PCDHA1: variants seen among roughly 807,000 people sequenced by gnomAD.
The protein encoded by PCDHA1 is protocadherin alpha-1.
In PCDHA1, 42 loss-of-function variants were observed where a neutral mutation model predicts 61.3. The observed-to-expected ratio is 0.69, with a 90% CI of 0.54 to 0.89. The LOEUF is 0.89. Ranked by LOEUF, PCDHA1 falls within the 40% of genes least tolerant of loss-of-function variation. PCDHA1 has a pLI of 0.00. For missense variants in PCDHA1, 1,256 were observed against 1,235.3 expected (o/e 1.02, Z -0.25); for synonymous variants, 610 against 553.8 (o/e 1.10, Z -1.43).
intron 1 of PCDHA1, chr5:140,823,237 C>T: frequency 6.2e-7 from 1 of 1,613,560 alleles, no homozygotes; most frequent in Non-Finnish European, 8.5e-7. Flanking sequence ...GGAGAACGCC[C>T]TGGTGTCCTA....
chr5:140,939,863 G>C (rs2092478768), intron 1 of PCDHA1, among the ~76,000 whole-genome samples: 1 of 152,064 alleles, frequency 6.6e-6, no homozygotes, highest in Non-Finnish European at 1.5e-5. Flanking sequence ...ATGTCCATTA[G>C]GTCATCTTTG....
At chr5:140,927,926 T>C (rs782407263) in intron 1 of PCDHA1, 2 of 1,614,212 alleles carry the variant, frequency 1.2e-6, no homozygotes, top group East Asian at 2.2e-5. Context: ...TTCCTGACTC[T>C]TTCGAACCCA....
chr5:140,823,925 A>C (rs2150130360), intron 1 of PCDHA1: 1 of 1,613,820 alleles, frequency 6.2e-7, no homozygotes, highest in East Asian at 2.2e-5. Context: ...CTGCTGCTGT[A>C]CACCGCGCTG....
intron 1 of PCDHA1, among the ~76,000 whole-genome samples, chr5:140,900,333 C>T (rs10071692): frequency 3.3e-5 from 5 of 151,856 alleles, no homozygotes; most frequent in Admixed American, 6.6e-5. Flanking sequence ...GCTGGAGTAC[C>T]GTGGCGCAAT....
At chr5:140,828,806 G>A in intron 1 of PCDHA1, 2 of 1,614,220 alleles carry the variant, frequency 1.2e-6, no homozygotes, top group Non-Finnish European at 1.7e-6. Context: ...GAATGATAAT[G>A]CTCCCACTTT....
intron 1 of PCDHA1, chr5:140,825,966 A>AG: frequency 6.6e-6 from 1 of 152,316 alleles, no homozygotes. Context: ...TACTCTTTTG[A>AG]GGGGAAAAGT....
chr5:140,886,097 A>C (rs1341108712), intron 1 of PCDHA1, among the ~76,000 whole-genome samples: 1 of 152,214 alleles, frequency 6.6e-6, no homozygotes, highest in Admixed American at 6.5e-5. Context: ...ATTGACATTG[A>C]TACAGTAAAG....
intron 1 of PCDHA1, chr5:140,796,857 C>G (rs1554120158): frequency 6.2e-7 from 1 of 1,613,988 alleles, no homozygotes; most frequent in African/African-American, 1.3e-5. Context: ...CGGGTGAGAT[C>G]AGCACGACAC....
chr5:140,803,942 T>C (rs1163892292), intron 1 of PCDHA1: 1 of 383,608 alleles, frequency 2.6e-6, no homozygotes, highest in South Asian at 3.9e-5. Context: ...CCCTATACAA[T>C]GCTTCTTCAA....
chr5:140,967,127 T>C (rs155808), intron 1 of PCDHA1: 558,768 of 1,612,332 alleles, frequency 0.35, 98,550 homozygotes, highest in East Asian at 0.51. Flanking sequence ...CCTGCTCAGC[T>C]TGGAAGTGCT....
chr5:140,845,528 T>G (rs1779913458), intron 1 of PCDHA1, among the ~76,000 whole-genome samples: 1 of 149,556 alleles, frequency 6.7e-6, no homozygotes, highest in African/African-American at 2.4e-5. Context: ...TTAATACTTT[T>G]CACTATTCTA....
intron 1 of PCDHA1, among the ~76,000 whole-genome samples, chr5:140,846,701 G>A (rs1554141463): frequency 1.3e-5 from 2 of 149,318 alleles, no homozygotes; most frequent in South Asian, 2.1e-4. Flanking sequence ...AAGTAGAGAA[G>A]ATTGTAATAA....
At chr5:140,821,659 T>C in intron 1 of PCDHA1, 4 of 1,173,458 alleles carry the variant, frequency 3.4e-6, no homozygotes, top group Non-Finnish European at 4.8e-6. Context: ...TTTTTGGCTG[T>C]GCCAAGAAGC....
At chr5:140,946,925 C>T (rs1431365562) in intron 1 of PCDHA1, among the ~76,000 whole-genome samples, 1 of 151,242 alleles carries the variant, frequency 6.6e-6, no homozygotes, top group South Asian at 2.1e-4. Context: ...TTTTATTGAA[C>T]AGTAGAGTGT....
chr5:140,822,701 A>G, intron 1 of PCDHA1: 6 of 1,610,678 alleles, frequency 3.7e-6, no homozygotes, highest in Non-Finnish European at 5.1e-6. Flanking sequence ...GAACTGGATT[A>G]TGAAGACTAT....
intron 2 of PCDHA1, among the ~76,000 whole-genome samples, chr5:140,980,855 C>T (rs1313101029): frequency 2.6e-5 from 4 of 151,960 alleles, no homozygotes; most frequent in South Asian, 2.1e-4. Flanking sequence ...TAATCTTTTT[C>T]GTATGTGTGC....
intron 1 of PCDHA1, chr5:140,884,440 G>T: frequency 1.2e-6 from 2 of 1,613,830 alleles, no homozygotes; most frequent in Non-Finnish European, 1.7e-6. Flanking sequence ...TGCGGTGCTC[G>T]GCACCGCCCA....
At chr5:140,868,966 A>G (rs2050768695) in intron 1 of PCDHA1, 1 of 1,433,890 alleles carries the variant, frequency 7.0e-7, no homozygotes, top group Non-Finnish European at 9.3e-7. Flanking sequence ...CATACAAAGG[A>G]ACTCCATCAT....
intron 1 of PCDHA1, among the ~76,000 whole-genome samples, chr5:140,873,723 CAA>C (rs1554166874): frequency 6.6e-6 from 1 of 152,158 alleles, no homozygotes; most frequent in Non-Finnish European, 1.5e-5. Context: ...TGCAGTGGCG[CAA>C]TCTCAGCTCA....
Sources: allele counts gnomAD v4.1 joint callset (sites outside exome capture counted in the v4.1 genomes callset), GRCh38; gene constraint gnomAD v4.1.1; transcripts MANE v1.5; gene names NCBI Gene and HGNC (gene_info 2026-07-23, HGNC 2026-07-21).